SUN3: variants seen among roughly 807,000 people sequenced by gnomAD.
The protein encoded by SUN3 is SUN domain-containing protein 3.
SUN3 carries 36 observed loss-of-function variants against 48.2 expected under a neutral mutation model. The observed-to-expected ratio is 0.75, with a 90% confidence interval of 0.57 to 0.99. The LOEUF is 0.99. Among genes scored for constraint, SUN3 ranks in the 50% least tolerant of loss-of-function variants. The pLI is 0.00. For synonymous variants in SUN3, 148 were observed against 147.9 expected, an observed-to-expected ratio of 1.00 and a Z score of 0.00; for missense variants, 419 against 433.1, an observed-to-expected ratio of 0.97 and a Z score of 0.29.
chr7:48,031,836 A>G (rs1005044475), upstream of SUN3, among the ~76,000 whole-genome samples: 78 of 140,966 alleles, frequency 5.5e-4, no homozygotes, highest in Non-Finnish European at 1.0e-3. Context: ...ATTTATGCAC[A>G]CACACACACA....
At position 47,987,456 on chromosome 7, in the gene SUN3, AT is replaced by A; in HGVS notation, c.955-8del. ...AATATTCAGAAACTGCATGCTGAAA[AT>A]AAAGAAAAGAAAATCAATGCCTTAT... On this transcript the variant is annotated splice_region_variant and splice_polypyrimidine_tract_variant and intron_variant, in intron 9 of 9. Transcript: ENST00000297325. The A allele has an allele frequency of 6.4e-7, 1 of 1,554,124 alleles. No homozygotes were observed. Among genetic ancestry groups the A allele is most frequent in the Middle Eastern group, 1.7e-4 (1 of 5,802 alleles).
chr7:48,028,963 C>A lies in SUN3; in HGVS notation c.-25G>T. On this transcript the variant is annotated 5_prime_UTR_variant, in exon 1 of 10. Transcript: ENST00000297325. Reference sequence around the variant, plus strand: ...TGATCCCCTACCAAAGAACAAACAGCTGGTAGGATGAAGAGCAACATTTGT... The same window carrying A: ...TGATCCCCTACCAAAGAACAAACAGATGGTAGGATGAAGAGCAACATTTGT... 4 of 1,613,402 alleles carry A rather than the reference C, an allele frequency of 2.5e-6. No homozygotes were observed. The highest frequency in any genetic ancestry group is 2.5e-6 in the Non-Finnish European group (3 of 1,179,644).
chr7:47,995,130 A>AGGTAGTGGTGGTGGT (rs1359276887), intron 7 of SUN3, among the ~76,000 whole-genome samples: 87 of 144,830 alleles, frequency 6.0e-4, no homozygotes, highest in South Asian at 1.6e-3. Flanking sequence ...GTGGTGATGA[A>AGGTAGTGGTGGTGGT]GGTAGTGGTG....
chr7:48,003,012 T>A (rs1185022585), intron 6 of SUN3, among the ~76,000 whole-genome samples: 1 of 149,674 alleles, frequency 6.7e-6, no homozygotes, highest in Admixed American at 6.8e-5. Flanking sequence ...AATACCTAGG[T>A]TGTCTTCCAG....
Position 48,005,976 on chromosome 7 carries a change from C to T in SUN3, c.570G>A (p.Lys190=). Residue 190 remains lysine (K), a synonymous_variant, in exon 6 of 10, where the codon AAG becomes AAA. Coordinates refer to ENST00000297325, the MANE Select transcript of SUN3 (RefSeq NM_001030019.2). ...DQVEMADYAL[K]SAGASIIEAG... is the part of the protein sequence containing the mutation. The stretch of plus-strand genomic sequence containing the variant: ...CACTTTTTCTGTACTCACCGGCCGA[C>T]TTCAGGGCATAATCAGCCATCTCGA... 6.2e-7 allele frequency: 1 copy of T among 1,610,690 alleles called. No homozygotes were observed. The highest frequency in any genetic ancestry group is 8.5e-7 in the Non-Finnish European group (1 of 1,178,210).
At chr7:47,993,419 CTGA>C (rs1301892250) in intron 8 of SUN3, among the ~76,000 whole-genome samples, 2 of 152,066 alleles carry the variant, frequency 1.3e-5, no homozygotes, top group African/African-American at 2.4e-5. Context: ...TGTCCATCAA[CTGA>C]TGAATAGATA....
intron 6 of SUN3, among the ~76,000 whole-genome samples, chr7:48,003,184 C>A (rs1484529632): frequency 6.6e-6 from 1 of 152,140 alleles, no homozygotes; most frequent in Non-Finnish European, 1.5e-5. Context: ...ATACTTTCTG[C>A]AATGTTTGTT....
intron 6 of SUN3, among the ~76,000 whole-genome samples, chr7:48,003,033 T>C (rs969615848): frequency 6.6e-6 from 1 of 152,146 alleles, no homozygotes; most frequent in East Asian, 1.9e-4. Flanking sequence ...GGTTTTCTTT[T>C]TTTTTTTGTA....
At chr7:47,995,155 GGTGGTGGTGGTGGTGACAGTGATA>G (rs376672021) in intron 7 of SUN3, among the ~76,000 whole-genome samples, 4 of 152,050 alleles carry the variant, frequency 2.6e-5, no homozygotes, top group African/African-American at 7.2e-5. Flanking sequence ...TGGCAGTGAT[GGTGGTGGTGGTGGTGACAGTGATA>G]GTGGTGGTGG....
intron 4 of SUN3, among the ~76,000 whole-genome samples, chr7:48,008,516 AT>A (rs748745725): frequency 6.6e-6 from 1 of 152,168 alleles, no homozygotes; most frequent in Non-Finnish European, 1.5e-5. Context: ...TTATAGGGTT[AT>A]TTTCCATTTT....
At chr7:48,024,369 A>G (rs569141327) in intron 2 of SUN3, among the ~76,000 whole-genome samples, 2 of 152,330 alleles carry the variant, frequency 1.3e-5, no homozygotes, top group East Asian at 3.9e-4. Context: ...TTTAATGGAC[A>G]TGTCTCCAAG....
intron 3 of SUN3, among the ~76,000 whole-genome samples, chr7:48,010,870 T>A (rs1371769548): frequency 1.3e-5 from 2 of 152,144 alleles, no homozygotes; most frequent in Non-Finnish European, 2.9e-5. Flanking sequence ...GTCCACATGT[T>A]TACACTCCTC....
At position 47,994,933 on chromosome 7, in the gene SUN3, G is replaced by GGTGATGGTA. The variant is rs1412391461; in HGVS notation, c.694-460_694-452dup. On this transcript the variant is annotated intron_variant, in intron 7 of 9. Transcript: ENST00000297325. The stretch of plus-strand genomic sequence containing the variant: ...CTAAAAAGGTGGTGGTAGAGGTAAT[G>GGTGATGGTA]GTGATGGTAGTAATGGTAGTGGTGG... 6.6e-5 allele frequency among the ~76,000 whole-genome samples: 10 copies of GGTGATGGTA among 152,216 alleles called. No homozygotes were observed. The East Asian group carries it at 1.9e-3, about 29-fold the overall frequency.
intron 4 of SUN3, among the ~76,000 whole-genome samples, chr7:48,007,605 A>C (rs1161311981): frequency 1.3e-5 from 2 of 152,112 alleles, no homozygotes; most frequent in East Asian, 3.9e-4. Context: ...CTGGTCCCCC[A>C]GCTGGGTAAC....
intron 7 of SUN3, 29 bp downstream of exon 7, chr7:47,996,002 G>T: frequency 1.5e-6 from 2 of 1,318,176 alleles, no homozygotes; most frequent in South Asian, 1.4e-5. Context: ...TTCTAAAATA[G>T]AAATAAGTGA....
chr7:48,014,206 G>A (rs748029866), intron 3 of SUN3, among the ~76,000 whole-genome samples: 3 of 152,082 alleles, frequency 2.0e-5, no homozygotes, highest in Non-Finnish European at 4.4e-5. Context: ...CAAAGTGCTG[G>A]GATTACAGGA....
intron 3 of SUN3, among the ~76,000 whole-genome samples, chr7:48,009,630 G>A (rs979120517): frequency 1.6e-4 from 25 of 152,006 alleles, no homozygotes; most frequent in African/African-American, 5.6e-4. Flanking sequence ...ATCTAACACT[G>A]GTGTCATGTC....
intron 7 of SUN3, among the ~76,000 whole-genome samples, chr7:47,995,257 GGTGGCT>G (rs1251575423): frequency 1.3e-5 from 2 of 151,246 alleles, no homozygotes; most frequent in East Asian, 3.9e-4. Flanking sequence ...TGGCAGTGAT[GGTGGCT>G]GTGGTGGCAG....
chr7:48,029,118 T>C (rs1409833243), upstream of SUN3: 8 of 873,824 alleles, frequency 9.2e-6, no homozygotes, highest in African/African-American at 1.7e-5. Context: ...GATTCTTCTG[T>C]TGCATCATCC....
Sources: gnomAD v4.1 joint callset for allele counts (sites outside exome capture counted in the v4.1 genomes callset) on GRCh38, gnomAD v4.1.1 for gene constraint, MANE v1.5 for transcripts, NCBI Gene and HGNC (gene_info 2026-07-23, HGNC 2026-07-21) for gene names.